PALLD: variants seen among roughly 807,000 people sequenced by gnomAD.
PALLD encodes palladin, cytoskeletal associated protein.
Under a neutral mutation model 123.5 loss-of-function variants are expected in PALLD, and 61 were observed. The observed-to-expected ratio is 0.49, with a 90% CI of 0.40 to 0.61. The LOEUF (loss-of-function observed/expected upper bound fraction) is 0.61, where lower values mean the gene tolerates loss of function less well. PALLD is among the 20% of genes least tolerant of loss of function. The pLI, the probability that PALLD is intolerant of heterozygous loss-of-function variation, is 0.00. For synonymous variants in PALLD, 465 were observed against 496.4 expected, an observed-to-expected ratio of 0.94 and a Z score of 0.84; for missense variants, 1,273 against 1,377.0, an observed-to-expected ratio of 0.92 and a Z score of 1.20.
chr4:168,623,576 C>T (rs1173156782), intron 2 of PALLD, among the ~76,000 whole-genome samples: 1 of 152,114 alleles, frequency 6.6e-6, no homozygotes, highest in Non-Finnish European at 1.5e-5. Context: ...ATGGAGGCGG[C>T]GAACTGCCTA....
intron 13 of PALLD, chr4:168,898,221 C>G (rs913097301): frequency 1.0e-4 from 50 of 481,004 alleles, no homozygotes; most frequent in Middle Eastern, 1.2e-3. Context: ...CCCCTTGTTT[C>G]CCCTCGCCTC....
At chr4:168,545,880 A>G (rs866595157) in intron 2 of PALLD, among the ~76,000 whole-genome samples, 1 of 152,342 alleles carries the variant, frequency 6.6e-6, no homozygotes. Flanking sequence ...AGGTGGAATG[A>G]TCCCTTATGC....
intron 2 of PALLD, among the ~76,000 whole-genome samples, chr4:168,614,084 G>C (rs914388772): frequency 6.6e-6 from 1 of 152,146 alleles, no homozygotes; most frequent in African/African-American, 2.4e-5. Context: ...TGTGGATGGC[G>C]CCTTCACTTT....
rs375622279 is a variant in PALLD, at chr4:168,855,152, G to A, written c.1965-35770G>A. Among the ~76,000 whole-genome samples the A allele has an allele frequency of 1.4e-4, 20 of 140,942 alleles. No individual in the cohort carries two copies. The East Asian group carries it at 2.9e-3, about 20-fold the overall frequency. The allele number at this position is 140,942 out of a possible 152,430, so 92.5% of individuals were successfully genotyped here. On this transcript the variant is annotated intron_variant, in intron 10 of 21. Coordinates refer to ENST00000505667, the MANE Select transcript of PALLD (RefSeq NM_001166108.2). ...TGTTGCCAGGCTGGAGTGCAGTGGCGCGATCTTGGCTCACTGCAAGCTCCG... is the reference window on the plus strand; with the variant it reads ...TGTTGCCAGGCTGGAGTGCAGTGGCACGATCTTGGCTCACTGCAAGCTCCG...
At chr4:168,817,589 T>C (rs1236788059) in intron 10 of PALLD, among the ~76,000 whole-genome samples, 1 of 152,198 alleles carries the variant, frequency 6.6e-6, no homozygotes, top group Non-Finnish European at 1.5e-5. Context: ...GAGTGGCCAA[T>C]AATATGTCAC....
chr4:168,632,264 T>G lies in PALLD; in HGVS notation c.909-35926T>G, dbSNP rs573431309. On this transcript the variant is annotated intron_variant, in intron 2 of 21. Coordinates refer to ENST00000505667, the MANE Select transcript of PALLD (RefSeq NM_001166108.2). Reference sequence around the variant, plus strand: ...TGTGTTTAACTTGCCTGCTGCGATTTGAGCCCAATGAGTTTGTATTTTCTC... The same window carrying G: ...TGTGTTTAACTTGCCTGCTGCGATTGGAGCCCAATGAGTTTGTATTTTCTC... 2.9e-4 allele frequency among the ~76,000 whole-genome samples: 44 copies of G among 152,306 alleles called. No homozygotes were observed. In the South Asian group the frequency reaches 9.1e-3, roughly 32 times the overall value.
intron 2 of PALLD, among the ~76,000 whole-genome samples, chr4:168,562,945 T>C (rs944313940): frequency 3.3e-5 from 5 of 152,126 alleles, no homozygotes; most frequent in Non-Finnish European, 7.4e-5. Flanking sequence ...AGGCAAGAGA[T>C]GAGTGAATCC....
At chr4:168,754,412 G>T (rs1731489739) in intron 10 of PALLD, among the ~76,000 whole-genome samples, 1 of 152,162 alleles carries the variant, frequency 6.6e-6, no homozygotes, top group South Asian at 2.1e-4. Context: ...GAGCTGATGT[G>T]GATGCAAGTT....
rs749750532 is a variant in PALLD at position 168,898,556 on chromosome 4, T to C, written c.2314T>C (p.Ser772Pro). 6.2e-7 allele frequency: 1 copy of C among 1,613,912 alleles called. No homozygotes were observed. Among genetic ancestry groups the C allele is most frequent in the East Asian group, 2.2e-5 (1 of 44,874 alleles). Residue 772 changes from serine (S) to proline (P), a missense_variant, in exon 14 of 22, where the codon TCT becomes CCT. Coordinates refer to ENST00000505667, the MANE Select transcript of PALLD (RefSeq NM_001166108.2). ...TGAAATAGAGTACAGGCTAGAAAGG[T>C]CTCCTGTGGATGAATCAGGTGATGA... ...ISEIEYRLER[S>P]PVDESGDEVQ...
chr4:168,592,267 G>T (rs1012666279), intron 2 of PALLD, among the ~76,000 whole-genome samples: 2 of 151,774 alleles, frequency 1.3e-5, no homozygotes, highest in Non-Finnish European at 2.9e-5. Flanking sequence ...CTCATGATCC[G>T]CCTGCCTCAG....
intron 10 of PALLD, among the ~76,000 whole-genome samples, chr4:168,746,390 A>AAATAAAAAAT (rs1730318313): frequency 7.4e-6 from 1 of 135,048 alleles, no homozygotes; most frequent in Non-Finnish European, 1.5e-5. Flanking sequence ...CAAAAAAAAA[A>AAATAAAAAAT]AAAAAAAAAA....
chr4:168,789,720 A>G (rs1737239175), intron 10 of PALLD, among the ~76,000 whole-genome samples: 1 of 151,442 alleles, frequency 6.6e-6, no homozygotes, highest in African/African-American at 2.4e-5. Context: ...AAAAAAAAAA[A>G]GTAGGAAGTA....
chr4:168,510,335 C>G (rs1762417636), intron 1 of PALLD, among the ~76,000 whole-genome samples: 2 of 152,166 alleles, frequency 1.3e-5, no homozygotes, highest in African/African-American at 4.8e-5. Context: ...GTGTTCTATG[C>G]CAGGCCTCTA....
intron 2 of PALLD, among the ~76,000 whole-genome samples, chr4:168,631,109 C>T (rs1017129116): frequency 1.3e-5 from 2 of 152,186 alleles, no homozygotes; most frequent in African/African-American, 4.8e-5. Context: ...ATTCCCTTTC[C>T]TAGGGGCTTA....
At chr4:168,700,450 G>A (rs1199238950) in intron 8 of PALLD, 1 of 152,116 alleles carries the variant, frequency 6.6e-6, no homozygotes, top group Non-Finnish European at 1.5e-5. Flanking sequence ...CATACACAAT[G>A]AATTCTGCTC....
intron 2 of PALLD, among the ~76,000 whole-genome samples, chr4:168,600,000 C>T (rs1402522342): frequency 3.7e-5 from 5 of 134,754 alleles, no homozygotes; most frequent in African/African-American, 1.1e-4. Flanking sequence ...TGTATACACA[C>T]ACGTATATAC....
intron 2 of PALLD, among the ~76,000 whole-genome samples, chr4:168,512,833 G>A (rs561666198): frequency 1.1e-4 from 17 of 152,144 alleles, no homozygotes; most frequent in Non-Finnish European, 2.1e-4. Flanking sequence ...AAAGGCACGA[G>A]TGTGTAGAGG....
intron 2 of PALLD, among the ~76,000 whole-genome samples, chr4:168,545,135 A>G (rs1361852212): frequency 6.6e-6 from 1 of 152,180 alleles, no homozygotes; most frequent in East Asian, 1.9e-4. Flanking sequence ...TTTTATTTTC[A>G]TCCTCTCTGG....
intron 10 of PALLD, among the ~76,000 whole-genome samples, chr4:168,834,615 TA>T (rs1032119420): frequency 2.2e-4 from 33 of 152,036 alleles, no homozygotes; most frequent in Admixed American, 8.5e-4. Flanking sequence ...TGTGTGCCTA[TA>T]ACCCCAGCTA....
Sources: allele counts gnomAD v4.1 joint callset (sites outside exome capture counted in the v4.1 genomes callset), GRCh38; gene constraint gnomAD v4.1.1; transcripts MANE v1.5; gene names NCBI Gene and HGNC (gene_info 2026-07-23, HGNC 2026-07-21).